The following COG5 variants were observed in gnomAD, a reference collection of about 807,000 sequenced individuals.
COG5 encodes component of oligomeric golgi complex 5, also known as conserved oligomeric Golgi complex subunit 5.
COG5 carries 86 observed loss-of-function variants against 110.4 expected under a neutral mutation model. The ratio of observed to expected loss-of-function variants is 0.78; its 90% CI spans 0.65 to 0.93. The LOEUF (loss-of-function observed/expected upper bound fraction) is 0.93, where lower values mean the gene tolerates loss of function less well. Among genes scored for constraint, COG5 ranks in the 40% least tolerant of loss-of-function variants. The probability of loss-of-function intolerance (pLI) is 0.00; values close to 1 mark genes in which losing one functional copy is unlikely to be tolerated. For missense variants in COG5, 1,077 were observed against 987.0 expected, an observed-to-expected ratio of 1.09 and a Z score of -1.22; for synonymous variants, 360 against 334.6, an observed-to-expected ratio of 1.08 and a Z score of -0.83.
chr7:107,345,516 C>T (rs923006261), intron 10 of COG5, among the ~76,000 whole-genome samples: 2 of 150,264 alleles, frequency 1.3e-5, no homozygotes, highest in Non-Finnish European at 3.0e-5. Context: ...CTAAAGTAGT[C>T]GGGCACTTAG....
Position 107,362,424 on chromosome 7 carries a change from G to T in COG5, c.836-4C>A, listed in dbSNP as rs1001144225. 5.7e-6 allele frequency: 9 copies of T among 1,592,658 alleles called. No individual in the cohort carries two copies. In the Admixed American group the frequency reaches 6.7e-5, roughly 12 times the overall value. ...ATGGTAGATCGTCCAGGTCCCCCTG[G>T]TTATGAGTGAGAAAGAACAATGAAA... On this transcript the variant is annotated splice_polypyrimidine_tract_variant and splice_region_variant and intron_variant, in intron 8 of 21. Transcript: ENST00000297135.
chr7:107,463,045 C>T (rs1214521525), intron 6 of COG5, among the ~76,000 whole-genome samples: 1 of 152,226 alleles, frequency 6.6e-6, no homozygotes, highest in African/African-American at 2.4e-5. Flanking sequence ...CTGTAGCTGG[C>T]ACTGACCCTG....
At chr7:107,350,782 C>A (rs1267357258) in intron 10 of COG5, among the ~76,000 whole-genome samples, 1 of 152,118 alleles carries the variant, frequency 6.6e-6, no homozygotes, top group Non-Finnish European at 1.5e-5. Flanking sequence ...GCAAGACTCT[C>A]AAGTTTCTTC....
At chr7:107,373,252 T>C (rs1158770092) in intron 7 of COG5, among the ~76,000 whole-genome samples, 1 of 152,202 alleles carries the variant, frequency 6.6e-6, no homozygotes, top group Non-Finnish European at 1.5e-5. Context: ...GTATCTGTCA[T>C]AGCTCTGAGT....
intron 6 of COG5, among the ~76,000 whole-genome samples, chr7:107,485,831 A>C (rs1456868658): frequency 6.6e-6 from 1 of 152,202 alleles, no homozygotes; most frequent in Non-Finnish European, 1.5e-5. Flanking sequence ...AAAATATCAT[A>C]AGAATATAAG....
intron 6 of COG5, among the ~76,000 whole-genome samples, chr7:107,494,081 T>C (rs896274991): frequency 5.9e-5 from 9 of 152,204 alleles, no homozygotes; most frequent in Admixed American, 4.6e-4. Flanking sequence ...TCTTTGGGAG[T>C]ACAGAAATTT....
rs1261586682 is a variant in COG5, at chr7:107,372,691, T to C, written c.739A>G (p.Ser247Gly). The change falls in exon 8 of 22, where the codon AGT becomes GGT. Residue 247 changes from serine (S) to glycine (G), a missense_variant. Physicochemically the swap from Ser to Gly is moderately conservative, Grantham distance 56. Transcript: ENST00000297135. ...GTAGCACAATATCCATCCACAACAC[T>C]GGTAATAGTATCCTTCAAAGTTCCA... ...NLGTLKDTITSVVDGYCATLE... is the reference protein window; with the variant it reads ...NLGTLKDTITGVVDGYCATLE... 6.2e-7 allele frequency: 1 copy of C among 1,613,408 alleles called. No individual in the cohort carries two copies. Among genetic ancestry groups the C allele is most frequent in the Middle Eastern group, 1.7e-4 (1 of 6,058 alleles).
At chr7:107,303,205 A>G (rs537948755) in intron 11 of COG5, among the ~76,000 whole-genome samples, 7 of 151,934 alleles carry the variant, frequency 4.6e-5, no homozygotes, top group Admixed American at 1.3e-4. Context: ...GTGAGCTATC[A>G]TGCCCAGTTG....
At chr7:107,542,324 G>A (rs1459745032) in intron 5 of COG5, among the ~76,000 whole-genome samples, 1 of 152,098 alleles carries the variant, frequency 6.6e-6, no homozygotes, top group African/African-American at 2.4e-5. Context: ...ACCACAACAA[G>A]ATACCACCAC....
At chr7:107,548,086 TA>T (rs1223858534) in intron 5 of COG5, 24 bp downstream of exon 5, 6 of 1,584,086 alleles carry the variant, frequency 3.8e-6, no homozygotes, top group South Asian at 1.1e-5. Context: ...TAATAAAGTA[TA>T]AAGAAATAAA....
rs1156433766 is a variant in COG5 at position 107,202,538 on chromosome 7, G to C, written c.*978C>G. 1 of 136,620 alleles carries C rather than the reference G, an allele frequency of 7.3e-6. No homozygotes were observed. The highest frequency in any genetic ancestry group is 7.0e-5 in the Admixed American group (1 of 14,272). The allele number at this position is 136,620 out of a possible 1,614,324, so 8.5% of individuals were successfully genotyped here. Reference sequence around the variant, plus strand: ...AAGTTGCTTATCTCTGACGTCTACTGATTGATTGATTGATTGATTAATCTT... The same window carrying C: ...AAGTTGCTTATCTCTGACGTCTACTCATTGATTGATTGATTGATTAATCTT... On this transcript the variant is annotated 3_prime_UTR_variant, in exon 22 of 22. Transcript: ENST00000297135.
intron 5 of COG5, among the ~76,000 whole-genome samples, chr7:107,546,898 A>G (rs2129172255): frequency 6.6e-6 from 1 of 152,306 alleles, no homozygotes; most frequent in South Asian, 2.1e-4. Flanking sequence ...GTCTCCTAAC[A>G]AAGAAAAGCC....
Position 107,236,633 on chromosome 7 carries a change from C to T in COG5, c.1908G>A (p.Glu636=). 1 of 1,614,102 alleles carries T rather than the reference C, an allele frequency of 6.2e-7. No individual in the cohort carries two copies. Among genetic ancestry groups the T allele is most frequent in the Non-Finnish European group, 8.5e-7 (1 of 1,179,994 alleles). The change falls in exon 18 of 22, where the codon GAG becomes GAA. Residue 636 remains glutamate, a synonymous_variant. Transcript: ENST00000297135. ...PDVPCSLYMK[E]LQGFIARVMS... ...TAACTCTGGCAATGAAACCTTGTAG[C>T]TCCTTCATGTACAGAGAACAAGGAA...
chr7:107,420,499 C>T (rs761924295), intron 6 of COG5, among the ~76,000 whole-genome samples: 13 of 152,274 alleles, frequency 8.5e-5, no homozygotes, highest in East Asian at 1.9e-4. Context: ...CTTGCTCTGT[C>T]GCTCAGGCTG....
intron 14 of COG5, among the ~76,000 whole-genome samples, chr7:107,265,519 C>A (rs1192925613): frequency 1.3e-5 from 2 of 151,996 alleles, no homozygotes; most frequent in Non-Finnish European, 1.5e-5. Context: ...CAAGAAGTCA[C>A]CTTTGGGATC....
At chr7:107,418,707 A>T (rs927533346) in intron 6 of COG5, among the ~76,000 whole-genome samples, 1 of 151,106 alleles carries the variant, frequency 6.6e-6, no homozygotes, top group African/African-American at 2.4e-5. Context: ...AACTACATAT[A>T]CATTTGATTT....
chr7:107,473,116 G>A (rs1487010049), intron 6 of COG5: 1 of 151,084 alleles, frequency 6.6e-6, no homozygotes, highest in Non-Finnish European at 1.5e-5. Context: ...TCAAAAAACG[G>A]GCTTCACATA....
intron 6 of COG5, among the ~76,000 whole-genome samples, chr7:107,482,290 GCAC>G (rs1259783585): frequency 6.6e-6 from 1 of 151,412 alleles, no homozygotes; most frequent in East Asian, 1.9e-4. Context: ...CTACAGGCAG[GCAC>G]CACCATACCC....
chr7:107,255,365 T>C (rs77555226), intron 16 of COG5, among the ~76,000 whole-genome samples: 2,181 of 152,092 alleles, frequency 0.014, 56 homozygotes, highest in East Asian at 0.11. Flanking sequence ...TGGGGGAAAA[T>C]AGACTGTCTC....
Sources: gnomAD v4.1 joint callset for allele counts (sites outside exome capture counted in the v4.1 genomes callset) on GRCh38, gnomAD v4.1.1 for gene constraint, MANE v1.5 for transcripts, NCBI Gene and HGNC (gene_info 2026-07-23, HGNC 2026-07-21) for gene names.